Variants in CISD2 observed in about 807,000 individuals in gnomAD.
CISD2 encodes CDGSH iron sulfur domain 2.
CISD2 carries 1 observed loss-of-function variant against 12.9 expected under a neutral mutation model. The ratio of observed to expected loss-of-function variants is 0.08; its 90% confidence interval spans 0.03 to 0.37. The LOEUF (loss-of-function observed/expected upper bound fraction) is 0.37. Ranked by LOEUF, CISD2 falls within the 10% of genes least tolerant of loss-of-function variation. The pLI, the probability that CISD2 is intolerant of heterozygous loss-of-function variation, is 0.99. For synonymous variants in CISD2, 50 were observed against 60.6 expected (o/e 0.83, Z 0.81); for missense variants, 97 against 163.1 (o/e 0.59, Z 2.21).
rs955623899 is a variant in CISD2 at position 102,882,551 on chromosome 4, A to G, written c.104-2665A>G. On this transcript the variant is annotated intron_variant, in intron 1 of 2. Coordinates refer to ENST00000273986, the MANE Select transcript of CISD2 (RefSeq NM_001008388.5). ...TTGGAGATGGCACCTTATAGAGCCA[A>G]TGATCTATAGTAGCATTGTCCAGTA... is the stretch of plus-strand genomic sequence containing the variant. 2.0e-5 allele frequency among the ~76,000 whole-genome samples: 3 copies of G among 152,316 alleles called. No individual in the cohort carries two copies. The South Asian group carries it at 6.2e-4, about 32-fold the overall frequency.
chr4:102,887,481 G>A lies in CISD2; in HGVS notation c.*51G>A, dbSNP rs1263689311. ...TTTGTGTATAGAAAATTTTAAAATG[G>A]TGGTCTTAATTATTACTACTGGTTG... On this transcript the variant is annotated 3_prime_UTR_variant, in exon 3 of 3. Transcript: ENST00000273986. 1.4e-5 allele frequency: 13 copies of A among 913,598 alleles called. No individual in the cohort carries two copies. Among genetic ancestry groups the A allele is most frequent in the Admixed American group, 5.9e-5 (3 of 51,054 alleles). The allele number at this position is 913,598 out of a possible 1,614,324, so 56.6% of individuals were successfully genotyped here. A position where few individuals can be genotyped will look rare whatever the true frequency, so the allele number is the denominator to read the frequency against.
chr4:102,876,240 C>A (rs1170509509), intron 1 of CISD2, among the ~76,000 whole-genome samples: 3 of 152,222 alleles, frequency 2.0e-5, no homozygotes, highest in Non-Finnish European at 4.4e-5. Flanking sequence ...AGTTGTTATT[C>A]CTGCTTTACA....
At position 102,888,035 on chromosome 4, in the gene CISD2, CT is replaced by C. The variant is rs1734024737; in HGVS notation, c.*608del. ...ATTTACAGTATAAAAGATTTGTTTACTTTACAAAAGGCTTGTGTCTGTGTGT... is the reference window on the plus strand; with the variant it reads ...ATTTACAGTATAAAAGATTTGTTTACTTACAAAAGGCTTGTGTCTGTGTGT... On this transcript the variant is annotated 3_prime_UTR_variant, in exon 3 of 3. Coordinates refer to ENST00000273986, the MANE Select transcript of CISD2 (RefSeq NM_001008388.5). The C allele has an allele frequency of 6.7e-6, 1 of 149,464 alleles. No individual in the cohort carries two copies. Among genetic ancestry groups the C allele is most frequent in the Admixed American group, 6.8e-5 (1 of 14,804 alleles). The allele number at this position is 149,464 out of a possible 1,614,324, so 9.3% of individuals were successfully genotyped here.
chr4:102,872,290 G>C (rs539541801), intron 1 of CISD2, among the ~76,000 whole-genome samples: 14 of 152,108 alleles, frequency 9.2e-5, no homozygotes, highest in Non-Finnish European at 1.6e-4. Flanking sequence ...GTCTGGTCTT[G>C]AACTCCTGAC....
chr4:102,871,871 A>G (rs1465628913), intron 1 of CISD2, among the ~76,000 whole-genome samples: 1 of 152,112 alleles, frequency 6.6e-6, no homozygotes, highest in Non-Finnish European at 1.5e-5. Flanking sequence ...ATTTAAATCT[A>G]GCTGTTTTTT....
At chr4:102,877,579 C>T (rs530251035) in intron 1 of CISD2, among the ~76,000 whole-genome samples, 7 of 152,318 alleles carry the variant, frequency 4.6e-5, no homozygotes, top group Middle Eastern at 3.4e-3. Flanking sequence ...AGCAGGTAGC[C>T]GCCTTCTCAT....
At chr4:102,880,152 C>G (rs1303112023) in intron 1 of CISD2, among the ~76,000 whole-genome samples, 1 of 152,018 alleles carries the variant, frequency 6.6e-6, no homozygotes, top group Non-Finnish European at 1.5e-5. Context: ...CCATGTTGGC[C>G]AGGCTGGTCA....
chr4:102,878,388 C>T (rs1221436802), intron 1 of CISD2, among the ~76,000 whole-genome samples: 1 of 152,178 alleles, frequency 6.6e-6, no homozygotes, highest in Non-Finnish European at 1.5e-5. Context: ...CTCAGCCTCC[C>T]AAAGTGCTAG....
In CISD2 at chr4:102,887,455, C is replaced by G; in HGVS notation, c.*25C>G. ...ATAATAATAACAATATTTTCTCATT[C>G]TTTGTGTATAGAAAATTTTAAAATG... On this transcript the variant is annotated 3_prime_UTR_variant, in exon 3 of 3. Transcript: ENST00000273986. The G allele has an allele frequency of 1.1e-6, 1 of 931,182 alleles. No homozygotes were observed. Among genetic ancestry groups the G allele is most frequent in the East Asian group, 2.6e-5 (1 of 38,092 alleles). 57.7% of individuals were successfully genotyped at this position (931,182 alleles called of 1,614,324 possible).
At chr4:102,869,250 TA>T (rs1205614429) in intron 1 of CISD2, 63 bp downstream of exon 1, 1 of 1,547,982 alleles carries the variant, frequency 6.5e-7, no homozygotes, top group African/African-American at 1.4e-5. Context: ...GAAGGAGGCG[TA>T]AAAATCCTAG....
chr4:102,870,862 A>C (rs1398852401), intron 1 of CISD2, among the ~76,000 whole-genome samples: 1 of 152,170 alleles, frequency 6.6e-6, no homozygotes, highest in African/African-American at 2.4e-5. Flanking sequence ...ATTCCCTTAC[A>C]ACTGGAAATT....
intron 1 of CISD2, among the ~76,000 whole-genome samples, chr4:102,874,287 A>G (rs986409812): frequency 6.6e-6 from 1 of 152,158 alleles, no homozygotes; most frequent in Non-Finnish European, 1.5e-5. Flanking sequence ...TTGTGTATTC[A>G]TGGACATGAA....
intron 1 of CISD2, among the ~76,000 whole-genome samples, chr4:102,879,513 T>G (rs1733667123): frequency 6.6e-6 from 1 of 152,076 alleles, no homozygotes; most frequent in Non-Finnish European, 1.5e-5. Context: ...CCAGGTGCGG[T>G]GGCTAATGCC....
At chr4:102,877,067 A>G (rs1439503619) in intron 1 of CISD2, among the ~76,000 whole-genome samples, 2 of 152,184 alleles carry the variant, frequency 1.3e-5, no homozygotes, top group African/African-American at 4.8e-5. Context: ...GGGGACACAG[A>G]GCCAAGCCAT....
intron 1 of CISD2, among the ~76,000 whole-genome samples, chr4:102,872,881 A>G (rs564641482): frequency 7.2e-5 from 11 of 152,340 alleles, no homozygotes; most frequent in Admixed American, 2.0e-4. Context: ...TCATACTGCT[A>G]TAAAGAACTA....
chr4:102,869,804 T>A (rs1236010101), intron 1 of CISD2, among the ~76,000 whole-genome samples: 6 of 152,164 alleles, frequency 3.9e-5, no homozygotes, highest in Non-Finnish European at 7.4e-5. Flanking sequence ...GGAAGAAAGA[T>A]ACCTTACCCA....
At chr4:102,883,353 G>A (rs1733772222) in intron 1 of CISD2, among the ~76,000 whole-genome samples, 1 of 152,156 alleles carries the variant, frequency 6.6e-6, no homozygotes, top group Admixed American at 6.5e-5. Flanking sequence ...ATTCAAGCTA[G>A]CCAGTCCTGA....
intron 1 of CISD2, 107 bp downstream of exon 1, chr4:102,869,294 C>A: frequency 1.4e-6 from 2 of 1,426,866 alleles, no homozygotes; most frequent in South Asian, 1.2e-5. Flanking sequence ...CGGCGCCTGG[C>A]ACGTGATCCC....
At chr4:102,874,045 G>T (rs1167738032) in intron 1 of CISD2, among the ~76,000 whole-genome samples, 1 of 150,974 alleles carries the variant, frequency 6.6e-6, no homozygotes, top group East Asian at 1.9e-4. Context: ...AGAATCGCTT[G>T]AACCCAGGAG....
Sources: allele counts gnomAD v4.1 joint callset (sites outside exome capture counted in the v4.1 genomes callset), GRCh38; gene constraint gnomAD v4.1.1; transcripts MANE v1.5; gene names NCBI Gene and HGNC (gene_info 2026-07-23, HGNC 2026-07-21).